DNAH8: variants seen among roughly 807,000 people sequenced by gnomAD.
DNAH8 encodes axonemal beta dynein heavy chain 8.
DNAH8 carries 382 observed loss-of-function variants against 562.1 expected under a neutral mutation model. That is an observed-to-expected ratio of 0.68 (90% CI 0.63 to 0.74). DNAH8 has a LOEUF of 0.74. DNAH8 is among the 30% of genes least tolerant of loss of function. The pLI, the probability that DNAH8 is intolerant of heterozygous loss-of-function variation, is 0.00. For missense variants in DNAH8, 5,203 were observed against 5,620.4 expected (o/e 0.93, Z 2.37); for synonymous variants, 1,881 against 1,919.4 (o/e 0.98, Z 0.52).
intron 8 of DNAH8, among the ~76,000 whole-genome samples, chr6:38,743,662 A>G (rs956972785): frequency 1.3e-5 from 2 of 152,158 alleles, no homozygotes; most frequent in Admixed American, 6.5e-5. Context: ...TTCACTTAGC[A>G]TAATGTTTTC....
chr6:38,840,138 T>C (rs991510689), intron 33 of DNAH8, among the ~76,000 whole-genome samples: 1 of 152,244 alleles, frequency 6.6e-6, no homozygotes, highest in African/African-American at 2.4e-5. Flanking sequence ...GCTGTAAATA[T>C]GGATTTCATA....
chr6:38,988,475 A>C (rs1764557163), intron 87 of DNAH8, among the ~76,000 whole-genome samples: 1 of 152,194 alleles, frequency 6.6e-6, no homozygotes. Context: ...TCTTCCTGCA[A>C]TTTAAGTCAT....
intron 56 of DNAH8, among the ~76,000 whole-genome samples, chr6:38,885,253 C>T (rs1042137896): frequency 6.6e-6 from 1 of 152,150 alleles, no homozygotes; most frequent in Non-Finnish European, 1.5e-5. Context: ...CCTGCTCCTC[C>T]AACAGTCTTC....
chr6:38,823,505 C>G (rs1773058581), intron 27 of DNAH8, 57 bp from the exon 28 acceptor site: 2 of 1,349,644 alleles, frequency 1.5e-6, no homozygotes, highest in African/African-American at 1.4e-5. Flanking sequence ...TCTAATGTAA[C>G]TATGGTAAGA....
chr6:38,746,655 G>A (rs896587463), intron 8 of DNAH8, among the ~76,000 whole-genome samples: 16 of 151,916 alleles, frequency 1.1e-4, no homozygotes, highest in African/African-American at 3.9e-4. Flanking sequence ...TTGGTTGGGC[G>A]TGGTGGCTCA....
chr6:38,732,730 T>C (rs1343052446), intron 4 of DNAH8, among the ~76,000 whole-genome samples: 2 of 151,928 alleles, frequency 1.3e-5, no homozygotes, highest in Non-Finnish European at 2.9e-5. Flanking sequence ...TCTTGTAGAG[T>C]CTAATTAGTC....
chr6:38,743,007 C>CTGTTTTTTTTTTT, intron 8 of DNAH8, among the ~76,000 whole-genome samples: 1 of 51,978 alleles, frequency 1.9e-5, no homozygotes, highest in Non-Finnish European at 3.0e-5. Context: ...TGTTGTTGTG[C>CTGTTTTTTTTTTT]TTTTTTTTTT....
intron 62 of DNAH8, among the ~76,000 whole-genome samples, chr6:38,900,922 C>T (rs1780033862): frequency 6.6e-6 from 1 of 152,316 alleles, no homozygotes; most frequent in South Asian, 2.1e-4. Flanking sequence ...TTTAGCAATT[C>T]TGTGTGTGGA....
At chr6:38,861,733 C>T (rs1240637223) in intron 43 of DNAH8, among the ~76,000 whole-genome samples, 3 of 152,092 alleles carry the variant, frequency 2.0e-5, no homozygotes, top group African/African-American at 4.8e-5. Context: ...AGGGTTTCAC[C>T]GTATTGGCCA....
At chr6:38,781,798 T>C (rs1356952102) in intron 16 of DNAH8, among the ~76,000 whole-genome samples, 1 of 152,194 alleles carries the variant, frequency 6.6e-6, no homozygotes, top group Non-Finnish European at 1.5e-5. Flanking sequence ...GAACTGCCAC[T>C]GAGAGCGGAA....
At chr6:38,804,638 G>A (rs1180301598) in intron 22 of DNAH8, among the ~76,000 whole-genome samples, 1 of 152,094 alleles carries the variant, frequency 6.6e-6, no homozygotes. Flanking sequence ...CTGCCTTACA[G>A]GGATGAAGTT....
At chr6:38,999,495 A>G (rs1208884104) in intron 88 of DNAH8, among the ~76,000 whole-genome samples, 1 of 151,736 alleles carries the variant, frequency 6.6e-6, no homozygotes, top group African/African-American at 2.4e-5. Flanking sequence ...GTCTTTAATC[A>G]TTAAAGATCT....
intron 31 of DNAH8, 138 bp from the exon 32 acceptor site, chr6:38,834,441 C>T (rs902958005): frequency 7.4e-6 from 4 of 541,692 alleles, no homozygotes; most frequent in South Asian, 7.0e-5. Flanking sequence ...TAAATAAAAG[C>T]TTCAAGTACA....
At chr6:38,863,080 G>A (rs186963779) in intron 44 of DNAH8, among the ~76,000 whole-genome samples, 101 of 152,150 alleles carry the variant, frequency 6.6e-4, no homozygotes, top group Non-Finnish European at 1.1e-3. Flanking sequence ...GATTCATTAC[G>A]TACAACTGTT....
In DNAH8 at chr6:38,828,363, T is replaced by C; in HGVS notation, c.4188+75T>C. Reference sequence around the variant, plus strand: ...AAAAAAAAGGTATTTTATACCTTTTTAAAGCTTAATATACAGTCATGTGCC... The same window carrying C: ...AAAAAAAAGGTATTTTATACCTTTTCAAAGCTTAATATACAGTCATGTGCC... On this transcript the variant is annotated intron_variant, in intron 30 of 92. Transcript: ENST00000327475. 3.8e-6 allele frequency: 3 copies of C among 790,990 alleles called. No individual in the cohort carries two copies. In the South Asian group the frequency reaches 5.9e-5, roughly 16 times the overall value. 49.0% of individuals were successfully genotyped at this position (790,990 alleles called of 1,614,324 possible). A position where few individuals can be genotyped will look rare whatever the true frequency, so the allele number is the denominator to read the frequency against.
At chr6:38,919,639 T>C (rs1204156766) in intron 70 of DNAH8, among the ~76,000 whole-genome samples, 3 of 152,206 alleles carry the variant, frequency 2.0e-5, no homozygotes, top group Admixed American at 6.5e-5. Context: ...TTATATTCAA[T>C]GGTAAAAGAG....
chr6:38,786,659 T>C, intron 17 of DNAH8, 106 bp from the exon 18 acceptor site: 1 of 1,144,748 alleles, frequency 8.7e-7, no homozygotes, highest in Non-Finnish European at 1.2e-6. Flanking sequence ...ACATTTCCTT[T>C]GCCCTCAAGA....
intron 91 of DNAH8, among the ~76,000 whole-genome samples, chr6:39,024,987 T>G (rs952400326): frequency 2.1e-4 from 32 of 152,244 alleles, no homozygotes; most frequent in African/African-American, 7.0e-4. Flanking sequence ...CGAGTAAATG[T>G]GTCAAGATGC....
rs778970169 is a variant in DNAH8 at position 38,906,272 on chromosome 6, T to C, written c.9213T>C (p.Asn3071=). The C allele has an allele frequency of 1.3e-6, 2 of 1,597,854 alleles. No individual in the cohort carries two copies. Among genetic ancestry groups the C allele is most frequent in the East Asian group, 2.2e-5 (1 of 44,730 alleles). ...ITLTRSYNVT[N]LTDDLKALYK... is the part of the protein sequence containing the mutation. ...TTCTTAGGTCTTACAATGTGACTAA[T>C]CTAACAGATGATTTAAAAGCTTTGT... Residue 3071 remains asparagine (N), a synonymous_variant, in exon 63 of 93, where the codon AAT becomes AAC. Coordinates refer to ENST00000327475, the MANE Select transcript of DNAH8 (RefSeq NM_001206927.2).
Sources: allele counts gnomAD v4.1 joint callset (sites outside exome capture counted in the v4.1 genomes callset), GRCh38; gene constraint gnomAD v4.1.1; transcripts MANE v1.5; gene names NCBI Gene and HGNC (gene_info 2026-07-23, HGNC 2026-07-21).